JAZF1: variants seen among roughly 807,000 people sequenced by gnomAD.
JAZF1 encodes JAZF zinc finger 1.
In JAZF1, 8 loss-of-function variants were observed where a neutral mutation model predicts 26.4. The observed-to-expected ratio is 0.30, with a 90% CI of 0.18 to 0.55. JAZF1 has a LOEUF of 0.55. Ranked by LOEUF, JAZF1 falls within the 20% of genes least tolerant of loss-of-function variation. JAZF1 has a pLI of 0.94. For missense variants in JAZF1, 199 were observed against 322.0 expected (o/e 0.62, Z 2.92); for synonymous variants, 126 against 122.3 (o/e 1.03, Z -0.20).
At chr7:28,044,444 A>G (rs1444098105) in intron 1 of JAZF1, among the ~76,000 whole-genome samples, 1 of 152,182 alleles carries the variant, frequency 6.6e-6, no homozygotes, top group Non-Finnish European at 1.5e-5. Flanking sequence ...TATGGACTGG[A>G]CATCCCATAG....
intron 2 of JAZF1, among the ~76,000 whole-genome samples, chr7:27,942,634 C>T (rs1290333891): frequency 6.6e-6 from 1 of 152,070 alleles, no homozygotes; most frequent in Non-Finnish European, 1.5e-5. Context: ...GTTTCAGAGC[C>T]CAGGCCTGAG....
intron 3 of JAZF1, among the ~76,000 whole-genome samples, chr7:27,871,535 C>T (rs1240719656): frequency 6.6e-6 from 1 of 152,170 alleles, no homozygotes; most frequent in Non-Finnish European, 1.5e-5. Context: ...AACAGATACT[C>T]AGCAAACCTT....
chr7:28,012,777 T>C (rs1214089627), intron 1 of JAZF1, among the ~76,000 whole-genome samples: 2 of 152,242 alleles, frequency 1.3e-5, no homozygotes. Context: ...GGACATGCAT[T>C]GCAGAAGGAA....
intron 2 of JAZF1, among the ~76,000 whole-genome samples, chr7:27,934,572 C>T (rs1361529025): frequency 1.3e-5 from 2 of 152,084 alleles, no homozygotes; most frequent in African/African-American, 4.8e-5. Flanking sequence ...TACACCTTGG[C>T]GGTAGCCTCT....
rs58448766 is a variant in JAZF1, at chr7:28,120,501, C to CT, written c.115+59961dup. On this transcript the variant is annotated intron_variant, in intron 1 of 4. Transcript: ENST00000283928. ...TCTGAACCACTAGCCACACACAGTT[C>CT]TTTTTTTTTTTTTTTTTTTTTTTTT... 0.017 allele frequency among the ~76,000 whole-genome samples: 981 copies of CT among 58,956 alleles called. 271 individuals are homozygous for CT. The East Asian group carries it at 0.42, about 25-fold the overall frequency. 38.7% of individuals were successfully genotyped at this position (58,956 alleles called of 152,430 possible).
At chr7:28,109,875 G>A (rs544514104) in intron 1 of JAZF1, among the ~76,000 whole-genome samples, 2 of 152,260 alleles carry the variant, frequency 1.3e-5, no homozygotes, top group South Asian at 4.1e-4. Flanking sequence ...CAAAAGAGAT[G>A]GGCATATGAA....
At chr7:27,994,679 G>A (rs1449975642) in intron 1 of JAZF1, among the ~76,000 whole-genome samples, 3 of 152,176 alleles carry the variant, frequency 2.0e-5, no homozygotes, top group African/African-American at 4.8e-5. Flanking sequence ...GGCACTTGGT[G>A]CCCACAAATC....
At chr7:28,024,146 T>C (rs1193249176) in intron 1 of JAZF1, among the ~76,000 whole-genome samples, 1 of 151,680 alleles carries the variant, frequency 6.6e-6, no homozygotes, top group Non-Finnish European at 1.5e-5. Context: ...ATAAAAAATT[T>C]AAAAATGAAT....
intron 1 of JAZF1, among the ~76,000 whole-genome samples, chr7:28,165,216 T>C (rs1439264851): frequency 6.6e-6 from 1 of 152,128 alleles, no homozygotes; most frequent in Non-Finnish European, 1.5e-5. Flanking sequence ...TTATTTTTCA[T>C]TCCCACTTCC....
chr7:28,171,608 T>C (rs913265863), intron 1 of JAZF1, among the ~76,000 whole-genome samples: 15 of 152,188 alleles, frequency 9.9e-5, no homozygotes, highest in African/African-American at 3.6e-4. Flanking sequence ...GGAAGACCCA[T>C]TAAAATAATG....
chr7:27,949,047 C>T (rs1169701659), intron 2 of JAZF1, among the ~76,000 whole-genome samples: 3 of 152,200 alleles, frequency 2.0e-5, no homozygotes, highest in East Asian at 1.9e-4. Context: ...CAGCCACACC[C>T]TCATCCCACA....
chr7:27,899,412 T>C (rs1784127754), intron 2 of JAZF1, among the ~76,000 whole-genome samples: 1 of 152,218 alleles, frequency 6.6e-6, no homozygotes, highest in African/African-American at 2.4e-5. Flanking sequence ...TGGTGATCTT[T>C]CTGAAGCCCT....
intron 1 of JAZF1, among the ~76,000 whole-genome samples, chr7:28,173,500 T>C (rs1783505031): frequency 6.6e-6 from 1 of 152,186 alleles, no homozygotes; most frequent in Non-Finnish European, 1.5e-5. Context: ...GTGTTAGATA[T>C]CCTACATGCC....
intron 2 of JAZF1, among the ~76,000 whole-genome samples, chr7:27,972,261 G>GC (rs1785386850): frequency 6.6e-6 from 1 of 152,200 alleles, no homozygotes; most frequent in Non-Finnish European, 1.5e-5. Flanking sequence ...GCCCTGCTGC[G>GC]CAAGTGACAT....
chr7:28,014,818 A>G (rs1782857816), intron 1 of JAZF1, among the ~76,000 whole-genome samples: 1 of 152,218 alleles, frequency 6.6e-6, no homozygotes, highest in African/African-American at 2.4e-5. Flanking sequence ...TTTCTAGAAC[A>G]GAAGTAAACA....
intron 1 of JAZF1, 161 bp from the exon 2 acceptor site, chr7:27,992,142 A>G (rs764905236): frequency 1.9e-5 from 13 of 688,826 alleles, no homozygotes; most frequent in South Asian, 6.0e-5. Context: ...TTGTTCATTC[A>G]TTCATAAATA....
At chr7:28,073,236 C>T (rs1423671330) in intron 1 of JAZF1, among the ~76,000 whole-genome samples, 5 of 152,272 alleles carry the variant, frequency 3.3e-5, no homozygotes, top group South Asian at 4.1e-4. Flanking sequence ...TAGCAGAGCT[C>T]GTTGTGCCGG....
chr7:27,948,985 C>T (rs1259561054), intron 2 of JAZF1, among the ~76,000 whole-genome samples: 2 of 152,180 alleles, frequency 1.3e-5, no homozygotes, highest in Non-Finnish European at 2.9e-5. Context: ...AAAATGTGCA[C>T]CCACAAACTC....
intron 2 of JAZF1, among the ~76,000 whole-genome samples, chr7:27,925,895 C>T (rs1263499469): frequency 1.3e-5 from 2 of 152,220 alleles, no homozygotes; most frequent in Non-Finnish European, 2.9e-5. Flanking sequence ...TTGAATGATA[C>T]CTCCGTAGTT....
Sources: gnomAD v4.1 joint callset for allele counts (sites outside exome capture counted in the v4.1 genomes callset) on GRCh38, gnomAD v4.1.1 for gene constraint, MANE v1.5 for transcripts, NCBI Gene and HGNC (gene_info 2026-07-23, HGNC 2026-07-21) for gene names.